RBFOX1: variants seen among roughly 807,000 people sequenced by gnomAD.
The protein encoded by RBFOX1 is RNA binding protein fox-1 homolog 1.
RBFOX1 carries 8 observed loss-of-function variants against 57.7 expected under a neutral mutation model. That is an observed-to-expected ratio of 0.14 (90% confidence interval 0.08 to 0.25). RBFOX1 has a LOEUF of 0.25. Ranked by LOEUF, RBFOX1 falls within the 10% of genes least tolerant of loss-of-function variation. RBFOX1 has a pLI of 1.00. For synonymous variants in RBFOX1, 326 were observed against 222.4 expected (o/e 1.47, Z -4.15); for missense variants, 611 against 548.5 (o/e 1.11, Z -1.14).
chr16:6,770,774 G>A (rs1205046694), intron 3 of RBFOX1, among the ~76,000 whole-genome samples: 1 of 152,138 alleles, frequency 6.6e-6, no homozygotes, highest in Non-Finnish European at 1.5e-5. Context: ...TCCCCAGTTG[G>A]GAAGTTAAGG....
chr16:6,740,667 C>T (rs1347013491), intron 3 of RBFOX1, among the ~76,000 whole-genome samples: 6 of 152,110 alleles, frequency 3.9e-5, no homozygotes, highest in Non-Finnish European at 5.9e-5. Flanking sequence ...TTTAGGTGTG[C>T]ATCTAACAGG....
intron 4 of RBFOX1, among the ~76,000 whole-genome samples, chr16:7,251,968 G>C (rs2094514924): frequency 6.6e-6 from 1 of 152,180 alleles, no homozygotes; most frequent in East Asian, 1.9e-4. Context: ...TGGGGCACTG[G>C]GTGATTCTTA....
chr16:6,260,978 A>C, intron 1 of RBFOX1, among the ~76,000 whole-genome samples: 1 of 152,346 alleles, frequency 6.6e-6, no homozygotes, highest in Non-Finnish European at 1.5e-5. Context: ...TTCCCTCTGG[A>C]CATGGACAAA....
intron 1 of RBFOX1, among the ~76,000 whole-genome samples, chr16:6,145,701 T>C (rs768882326): frequency 7.9e-5 from 12 of 152,182 alleles, no homozygotes; most frequent in Non-Finnish European, 1.5e-4. Flanking sequence ...GTATTTTCAA[T>C]GTTTATGGCA....
At chr16:7,480,835 A>G (rs1464068146) in intron 4 of RBFOX1, among the ~76,000 whole-genome samples, 1 of 151,942 alleles carries the variant, frequency 6.6e-6, no homozygotes, top group Non-Finnish European at 1.5e-5. Context: ...GCAGCTGGGA[A>G]TTGAAACAGC....
intron 2 of RBFOX1, chr16:6,483,573 A>G (rs956887700): frequency 2.0e-6 from 3 of 1,515,920 alleles, no homozygotes; most frequent in African/African-American, 2.8e-5. Context: ...ACTCTAAAAC[A>G]CTGTCAGGGA....
chr16:7,304,353 C>T (rs2096118852), intron 4 of RBFOX1: 3 of 985,220 alleles, frequency 3.0e-6, no homozygotes, highest in Middle Eastern at 5.2e-4. Context: ...TTCAAGCGTC[C>T]CCACTCGGGC....
At chr16:6,193,427 A>ATATATATATATATAT (rs1567651849) in intron 1 of RBFOX1, among the ~76,000 whole-genome samples, 9 of 61,154 alleles carry the variant, frequency 1.5e-4, no homozygotes, top group South Asian at 6.0e-4. Context: ...TATATATATA[A>ATATATATATATATAT]AATTCAGTGA....
At chr16:5,955,118 T>TAAAAACAAAAACAAAAAAAAAAAAAA (rs2059599662) in intron 4 of RBFOX1, among the ~76,000 whole-genome samples, 1 of 14,286 alleles carries the variant, frequency 7.0e-5, no homozygotes. Flanking sequence ...CCATCTCTAC[T>TAAAAACAAAAACAAAAAAAAAAAAAA]AAAAAAAAAA....
At chr16:6,260,470 G>A (rs1403384125) in intron 1 of RBFOX1, among the ~76,000 whole-genome samples, 1 of 152,146 alleles carries the variant, frequency 6.6e-6, no homozygotes, top group Non-Finnish European at 1.5e-5. Context: ...GGCTAGACTG[G>A]GATGGAGTGG....
intron 1 of RBFOX1, among the ~76,000 whole-genome samples, chr16:6,210,854 C>A (rs961097185): frequency 1.3e-5 from 2 of 152,144 alleles, no homozygotes; most frequent in Non-Finnish European, 2.9e-5. Context: ...CTTAAGTGAA[C>A]GGTGCAATAG....
intron 1 of RBFOX1, among the ~76,000 whole-genome samples, chr16:6,158,669 A>G (rs1281167639): frequency 1.3e-5 from 2 of 152,196 alleles, no homozygotes; most frequent in African/African-American, 4.8e-5. Context: ...AAAAAGTCAG[A>G]CAAAAGTCCA....
intron 3 of RBFOX1, among the ~76,000 whole-genome samples, chr16:5,829,235 A>G (rs2056181531): frequency 6.6e-6 from 1 of 152,206 alleles, no homozygotes; most frequent in Non-Finnish European, 1.5e-5. Flanking sequence ...ACCGTCCTGC[A>G]GAGGCTGAAG....
chr16:7,684,497 C>G (rs949513393), intron 14 of RBFOX1, among the ~76,000 whole-genome samples: 3 of 151,816 alleles, frequency 2.0e-5, no homozygotes, highest in Non-Finnish European at 2.9e-5. Context: ...TAATCAAAGC[C>G]AAATATTCTC....
At chr16:6,180,370 T>C (rs777159296) in intron 1 of RBFOX1, among the ~76,000 whole-genome samples, 1 of 151,792 alleles carries the variant, frequency 6.6e-6, no homozygotes, top group Non-Finnish European at 1.5e-5. Flanking sequence ...TTTCCAGAAA[T>C]ATTTTTTTCA....
intron 4 of RBFOX1, among the ~76,000 whole-genome samples, chr16:7,445,749 C>T (rs941063061): frequency 1.6e-4 from 24 of 152,094 alleles, no homozygotes; most frequent in African/African-American, 1.2e-4. Context: ...TGTCTTTTCA[C>T]GCGGGTGACG....
At chr16:7,180,735 C>T (rs1347757631) in intron 4 of RBFOX1, among the ~76,000 whole-genome samples, 2 of 149,758 alleles carry the variant, frequency 1.3e-5, no homozygotes, top group Non-Finnish European at 3.0e-5. Flanking sequence ...AAAAACCTGC[C>T]AGAACATTGG....
chr16:7,065,618 C>T (rs566699235), intron 4 of RBFOX1, among the ~76,000 whole-genome samples: 6 of 152,158 alleles, frequency 3.9e-5, no homozygotes, highest in South Asian at 2.1e-4. Flanking sequence ...AACTAATTAG[C>T]ATTGCATGAC....
intron 1 of RBFOX1, among the ~76,000 whole-genome samples, chr16:6,028,134 TC>T (rs2095231907): frequency 6.6e-6 from 1 of 152,152 alleles, no homozygotes; most frequent in Admixed American, 6.5e-5. Context: ...CAAGTGAGTC[TC>T]CTGAAGATGT....
Sources: gnomAD v4.1 joint callset for allele counts (sites outside exome capture counted in the v4.1 genomes callset) on GRCh38, gnomAD v4.1.1 for gene constraint, MANE v1.5 for transcripts, NCBI Gene and HGNC (gene_info 2026-07-23, HGNC 2026-07-21) for gene names.